AAGAB: variants seen among roughly 807,000 people sequenced by gnomAD.
The protein encoded by AAGAB is alpha- and gamma-adaptin-binding protein p34.
A neutral mutation model predicts 44.1 loss-of-function variants in AAGAB; 38 were observed. The observed-to-expected ratio is 0.86, with a 90% confidence interval of 0.67 to 1.13. The LOEUF (loss-of-function observed/expected upper bound fraction) is 1.13, where lower values mean the gene tolerates loss of function less well. Among genes scored for constraint, AAGAB ranks in the 50% most tolerant of loss-of-function variants. The pLI is 0.00. For synonymous variants in AAGAB, 131 were observed against 131.8 expected, an observed-to-expected ratio of 0.99 and a Z score of 0.04; for missense variants, 450 against 373.8, an observed-to-expected ratio of 1.20 and a Z score of -1.68.
intron 5 of AAGAB, among the ~76,000 whole-genome samples, chr15:67,213,322 A>G (rs1421624729): frequency 6.6e-6 from 1 of 152,242 alleles, no homozygotes; most frequent in Non-Finnish European, 1.5e-5. Context: ...AAGATTTTAA[A>G]TTGGAAATTC....
chr15:67,209,525 G>A lies in AAGAB; in HGVS notation c.555C>T (p.Ser185=). The A allele has an allele frequency of 2.5e-6, 4 of 1,614,036 alleles. No individual in the cohort carries two copies. The highest frequency in any genetic ancestry group is 3.4e-6 in the Non-Finnish European group (4 of 1,179,912). The stretch of plus-strand genomic sequence containing the variant: ...TTGTTCCAGTCAATGAGTTGAGAAG[G>A]CTAAAGCCTTGGTTCCTATCTGAAA... The part of the protein sequence containing the change: ...VMKNDRNQGF[S]LLNSLTGTNH... Residue 185 remains serine (S), a synonymous_variant, in exon 6 of 10, where the codon AGC becomes AGT. Transcript: ENST00000261880.
chr15:67,249,696 C>T (rs976676331), intron 1 of AAGAB, among the ~76,000 whole-genome samples: 2 of 152,176 alleles, frequency 1.3e-5, no homozygotes, highest in African/African-American at 4.8e-5. Flanking sequence ...ACCAGTGCCA[C>T]CACCTTAAAT....
rs1260328897 is a variant in AAGAB, at chr15:67,203,537, G to A, written c.870+11C>T. ...ATAGGTATTCAATAAATACCTGGCT[G>A]ATTGTCTCACCTTTTCTGCATGCAC... On this transcript the variant is annotated intron_variant, in intron 9 of 9. Coordinates refer to ENST00000261880, the MANE Select transcript of AAGAB (RefSeq NM_024666.5). 1 of 1,612,648 alleles carries A rather than the reference G, an allele frequency of 6.2e-7. No individual in the cohort carries two copies. The highest frequency in any genetic ancestry group is 2.2e-5 in the East Asian group (1 of 44,858).
chr15:67,217,440 T>C (rs1307847636), intron 5 of AAGAB, among the ~76,000 whole-genome samples: 1 of 152,250 alleles, frequency 6.6e-6, no homozygotes, highest in East Asian at 1.9e-4. Flanking sequence ...TTAATCATCA[T>C]TTAGTTTAGA....
rs377758244 is a variant in AAGAB at position 67,236,804 on chromosome 15, T to C, written c.90A>G (p.Glu30=). 2.1e-5 allele frequency: 33 copies of C among 1,609,726 alleles called. No individual in the cohort carries two copies. Among genetic ancestry groups the C allele is most frequent in the Non-Finnish European group, 2.7e-5 (32 of 1,178,300 alleles). The change falls in exon 2 of 10, where the codon GAA becomes GAG. Residue 30 remains glutamate, a synonymous_variant. Transcript: ENST00000261880. The stretch of plus-strand genomic sequence containing the variant: ...TGGAAGTCACTTCCACAATAAGATC[T>C]TCTGTTCCAAGGATATCTAAAAATA... ...DQLVQHILGT[E]DLIVEVTSND...
chr15:67,240,342 T>C (rs35262757), intron 1 of AAGAB, among the ~76,000 whole-genome samples: 1 of 152,218 alleles, frequency 6.6e-6, no homozygotes, highest in Non-Finnish European at 1.5e-5. Flanking sequence ...CACTAAATTA[T>C]TATGTTGTAG....
At chr15:67,223,736 G>A (rs761806707) in intron 5 of AAGAB, among the ~76,000 whole-genome samples, 3 of 152,128 alleles carry the variant, frequency 2.0e-5, no homozygotes, top group Non-Finnish European at 2.9e-5. Context: ...CAGTCCCCTA[G>A]TTTACTCTGA....
chr15:67,247,573 A>T (rs1348911857), intron 1 of AAGAB, among the ~76,000 whole-genome samples: 2 of 152,192 alleles, frequency 1.3e-5, no homozygotes, highest in Admixed American at 6.5e-5. Context: ...GCTGATGTGT[A>T]ATACTTTTCC....
At chr15:67,217,305 A>G (rs376462703) in intron 5 of AAGAB, among the ~76,000 whole-genome samples, 6 of 152,228 alleles carry the variant, frequency 3.9e-5, no homozygotes, top group Non-Finnish European at 5.9e-5. Context: ...GTCCAGAAAC[A>G]TGAAGCCATT....
rs986451147 is a variant in AAGAB, at chr15:67,202,601, C to G, written c.*220G>C. On this transcript the variant is annotated 3_prime_UTR_variant, in exon 10 of 10. Transcript: ENST00000261880. Reference sequence around the variant, plus strand: ...AAAAAGTATATTTAAGAAATCCTCACTCATTACTATCACTGTATTCCTCAC... The same window carrying G: ...AAAAAGTATATTTAAGAAATCCTCAGTCATTACTATCACTGTATTCCTCAC... The G allele has an allele frequency of 2.0e-6, 1 of 507,516 alleles. No individual in the cohort carries two copies. Among genetic ancestry groups the G allele is most frequent in the Non-Finnish European group, 3.5e-6 (1 of 285,662 alleles). 31.4% of individuals were successfully genotyped at this position (507,516 alleles called of 1,614,324 possible).
intron 1 of AAGAB, among the ~76,000 whole-genome samples, chr15:67,253,439 A>T (rs1044989749): frequency 2.0e-5 from 3 of 151,742 alleles, no homozygotes; most frequent in East Asian, 1.9e-4. Context: ...AAACAAAAAT[A>T]AAAAAAAGGA....
chr15:67,214,919 T>C (rs1483895861), intron 5 of AAGAB, among the ~76,000 whole-genome samples: 1 of 151,726 alleles, frequency 6.6e-6, no homozygotes, highest in Non-Finnish European at 1.5e-5. Context: ...GGATTACAGG[T>C]GTGAGCCACG....
intron 5 of AAGAB, among the ~76,000 whole-genome samples, chr15:67,228,111 A>G (rs1037436116): frequency 6.6e-6 from 1 of 152,232 alleles, no homozygotes; most frequent in African/African-American, 2.4e-5. Flanking sequence ...AAAGTAATAA[A>G]GCATGTTTAG....
chr15:67,208,769 G>T (rs1001238912), intron 6 of AAGAB, 111 bp from the exon 7 acceptor site: 30 of 797,420 alleles, frequency 3.8e-5, no homozygotes, highest in Middle Eastern at 7.3e-4. Flanking sequence ...AGAGTAATAG[G>T]AACTGGAGGC....
chr15:67,254,807 G>C, upstream of AAGAB: 1 of 1,430,952 alleles, frequency 7.0e-7, no homozygotes, highest in African/African-American at 1.4e-5. Context: ...GGTCGCGCGC[G>C]GTGTTGCCAT....
At chr15:67,222,221 TGCACGCGCACGC>T (rs536775216) in intron 5 of AAGAB, among the ~76,000 whole-genome samples, 30 of 116,298 alleles carry the variant, frequency 2.6e-4, no homozygotes, top group African/African-American at 8.1e-4. Context: ...ACTACATGCA[TGCACGCGCACGC>T]GCGCGCGCGC....
At chr15:67,207,294 C>T (rs1963707769) in intron 7 of AAGAB, among the ~76,000 whole-genome samples, 1 of 152,160 alleles carries the variant, frequency 6.6e-6, no homozygotes, top group Non-Finnish European at 1.5e-5. Context: ...TGCTTCTAGG[C>T]CTCTCAGTGG....
Position 67,222,282 on chromosome 15 carries a change from A to ACACACACACACACACACACACACACC in AAGAB, c.535+9531_535+9532insGGTGTGTGTGTGTGTGTGTGTGTGTG, listed in dbSNP as rs796412643. Among the ~76,000 whole-genome samples the ACACACACACACACACACACACACACC allele has an allele frequency of 7.8e-3, 1,085 of 139,598 alleles. 39 individuals are homozygous for ACACACACACACACACACACACACACC. Among genetic ancestry groups the ACACACACACACACACACACACACACC allele is most frequent in the East Asian group, 0.018 (79 of 4,328 alleles). The allele number at this position is 139,598 out of a possible 152,430, so 91.6% of individuals were successfully genotyped here. A position where few individuals can be genotyped will look rare whatever the true frequency, so the allele number is the denominator to read the frequency against. ...CACACACACACACACACACACACACACCCTCCACCCATGCTGCCTGACTTT... is the reference window on the plus strand; with the variant it reads ...CACACACACACACACACACACACACACACACACACACACACACACACACACCCCCTCCACCCATGCTGCCTGACTTT... On this transcript the variant is annotated intron_variant, in intron 5 of 9. Coordinates refer to ENST00000261880, the MANE Select transcript of AAGAB (RefSeq NM_024666.5).
intron 5 of AAGAB, among the ~76,000 whole-genome samples, chr15:67,216,320 T>C (rs141832554): frequency 0.016 from 2,467 of 151,526 alleles, 67 homozygotes; most frequent in African/African-American, 0.056. Flanking sequence ...CGTGTGCCTG[T>C]AGTCCCAGCT....
Sources: gnomAD v4.1 joint callset for allele counts (sites outside exome capture counted in the v4.1 genomes callset) on GRCh38, gnomAD v4.1.1 for gene constraint, MANE v1.5 for transcripts, NCBI Gene and HGNC (gene_info 2026-07-23, HGNC 2026-07-21) for gene names.